ARHGAP23: variants seen among roughly 807,000 people sequenced by gnomAD.
ARHGAP23 encodes the protein Rho GTPase activating protein 23, also known as rho GTPase-activating protein 23.
In ARHGAP23, 34 loss-of-function variants were observed where a neutral mutation model predicts 136.3. That is an observed-to-expected ratio of 0.25 (90% CI 0.19 to 0.33). The LOEUF is 0.33. Among genes scored for constraint, ARHGAP23 ranks in the 10% least tolerant of loss-of-function variants. The pLI is 1.00. For synonymous variants in ARHGAP23, 832 were observed against 920.5 expected (o/e 0.90, Z 1.74); for missense variants, 1,808 against 2,139.0 (o/e 0.85, Z 3.05).
chr17:38,469,311 C>T lies in ARHGAP23; in HGVS notation c.1804+12C>T, dbSNP rs1181562766. The T allele has an allele frequency of 2.6e-6, 4 of 1,545,676 alleles. No individual in the cohort carries two copies. The highest frequency in any genetic ancestry group is 1.2e-5 in the South Asian group (1 of 82,900). On this transcript the variant is annotated intron_variant, in intron 8 of 23. Coordinates refer to ENST00000622683, the MANE Select transcript of ARHGAP23 (RefSeq NM_001199417.2). ...CTCGCAGGACTGCAGTGAGCACTCC[C>T]CACACCCCCAGCCCCACCCTCTCCC...
At chr17:38,447,177 C>T (rs1424714191) in intron 1 of ARHGAP23, among the ~76,000 whole-genome samples, 1 of 152,106 alleles carries the variant, frequency 6.6e-6, no homozygotes, top group Non-Finnish European at 1.5e-5. Context: ...CATGGTGGCT[C>T]ATGCCTGTAA....
rs1304602131 is a variant in ARHGAP23 at position 38,466,147 on chromosome 17, G to A, written c.484-20G>A. On this transcript the variant is annotated intron_variant, in intron 6 of 23. Transcript: ENST00000622683. ...GGGACTTGTCTGGCCCTGCTTACCT[G>A]TCTCTGTGTCTCTGGCCAGGCCTAC... The A allele has an allele frequency of 2.7e-6, 4 of 1,461,250 alleles. No individual in the cohort carries two copies. The Admixed American group carries it at 6.9e-5, about 25-fold the overall frequency. 90.5% of individuals were successfully genotyped at this position (1,461,250 alleles called of 1,614,324 possible). A position where few individuals can be genotyped will look rare whatever the true frequency, so the allele number is the denominator to read the frequency against.
intron 1 of ARHGAP23, among the ~76,000 whole-genome samples, chr17:38,446,564 T>C (rs2039038750): frequency 6.6e-6 from 1 of 151,954 alleles, no homozygotes; most frequent in Non-Finnish European, 1.5e-5. Flanking sequence ...TGTGGATATA[T>C]ACCCAGAAGT....
intron 11 of ARHGAP23, among the ~76,000 whole-genome samples, chr17:38,476,810 A>C (rs2039902669): frequency 6.6e-6 from 1 of 151,942 alleles, no homozygotes; most frequent in South Asian, 2.1e-4. Flanking sequence ...GTTTAGCCGC[A>C]TCCCTCAGAT....
At position 38,444,235 on chromosome 17, in the gene ARHGAP23, C is replaced by T. The variant is rs931683888; in HGVS notation, c.64-13867C>T. On this transcript the variant is annotated intron_variant, in intron 1 of 23. Coordinates refer to ENST00000622683, the MANE Select transcript of ARHGAP23 (RefSeq NM_001199417.2). ...TTGAGGGAATGAGGACCCTTCTGCTCGCTCTGGGTTGTCAAGGAGACGAGG... is the reference window on the plus strand; with the variant it reads ...TTGAGGGAATGAGGACCCTTCTGCTTGCTCTGGGTTGTCAAGGAGACGAGG... 2.6e-5 allele frequency among the ~76,000 whole-genome samples: 4 copies of T among 152,036 alleles called. No homozygotes were observed. In the East Asian group the frequency reaches 5.8e-4, roughly 22 times the overall value.
intron 20 of ARHGAP23, among the ~76,000 whole-genome samples, chr17:38,494,422 C>G (rs2040345052): frequency 1.3e-5 from 2 of 152,128 alleles, no homozygotes; most frequent in African/African-American, 4.8e-5. Flanking sequence ...GAATGGGAGC[C>G]TGCTCAGAAG....
rs749436229 is a variant in ARHGAP23, at chr17:38,497,772, G to A, written c.3277-13G>A. 126 of 1,550,698 alleles carry A rather than the reference G, an allele frequency of 8.1e-5. No individual in the cohort carries two copies. Among genetic ancestry groups the A allele is most frequent in the Non-Finnish European group, 1.1e-4 (125 of 1,146,620 alleles). On this transcript the variant is annotated splice_polypyrimidine_tract_variant and intron_variant, in intron 20 of 23. Transcript: ENST00000622683. ...CATGCTGATTTCATCCCTTCCTTTT[G>A]TCTTCTCTGCAGTCAGACTGGTTCT... is the stretch of plus-strand genomic sequence containing the variant.
At chr17:38,447,861 C>T (rs2039070573) in intron 1 of ARHGAP23, among the ~76,000 whole-genome samples, 1 of 152,256 alleles carries the variant, frequency 6.6e-6, no homozygotes, top group Non-Finnish European at 1.5e-5. Context: ...GGCAATGGCC[C>T]TGGTGTTTAC....
intron 1 of ARHGAP23, chr17:38,419,543 G>T (rs2038498357): frequency 6.6e-6 from 1 of 151,774 alleles, no homozygotes; most frequent in African/African-American, 2.4e-5. Flanking sequence ...CGGAGCGGGG[G>T]CTCTGGGGGA....
intron 14 of ARHGAP23, 47 bp downstream of exon 14, chr17:38,479,930 C>G: frequency 1.9e-5 from 21 of 1,107,102 alleles, no homozygotes; most frequent in Non-Finnish European, 2.7e-5. Context: ...GGGCAGGGGG[C>G]ATGGGGAGGG....
upstream of ARHGAP23, among the ~76,000 whole-genome samples, chr17:38,424,090 T>TG (rs1158682080): frequency 1.3e-5 from 2 of 150,142 alleles, no homozygotes; most frequent in African/African-American, 5.1e-5. Flanking sequence ...TACTGGGGGC[T>TG]GGGGCGCAGG....
chr17:38,474,058 C>T (rs1468311885), intron 11 of ARHGAP23, among the ~76,000 whole-genome samples: 1 of 152,188 alleles, frequency 6.6e-6, no homozygotes, highest in African/African-American at 2.4e-5. Context: ...GTAGCTAGGA[C>T]TACAGGCGCC....
chr17:38,503,338 G>A (rs2040561533), intron 23 of ARHGAP23, among the ~76,000 whole-genome samples: 1 of 152,224 alleles, frequency 6.6e-6, no homozygotes, highest in Admixed American at 6.5e-5. Context: ...CGTGAAGGTG[G>A]CAGGGAAAGT....
intron 1 of ARHGAP23, among the ~76,000 whole-genome samples, chr17:38,422,706 G>A (rs571718444): frequency 6.6e-6 from 1 of 152,288 alleles, no homozygotes; most frequent in South Asian, 2.1e-4. Context: ...CAGCTGCTTG[G>A]CAGATTACCA....
chr17:38,434,213 C>A (rs1299331054), intron 1 of ARHGAP23, among the ~76,000 whole-genome samples: 1 of 152,122 alleles, frequency 6.6e-6, no homozygotes, highest in Non-Finnish European at 1.5e-5. Context: ...CCGCCAACCC[C>A]CCAGCTTCTC....
At chr17:38,472,152 T>G (rs2039775689) in intron 11 of ARHGAP23, 146 bp downstream of exon 11, 3 of 941,400 alleles carry the variant, frequency 3.2e-6, no homozygotes. Context: ...AGGAAGAACT[T>G]CCTGGCAGGG....
chr17:38,457,926 G>A (rs1176776341), intron 1 of ARHGAP23, 176 bp from the exon 2 acceptor site: 1 of 666,914 alleles, frequency 1.5e-6, no homozygotes, highest in Non-Finnish European at 2.5e-6. Flanking sequence ...GCTGATGAAG[G>A]TGGGAGAGTA....
At chr17:38,485,697 G>A (rs1429976157) in intron 16 of ARHGAP23, among the ~76,000 whole-genome samples, 1 of 152,152 alleles carries the variant, frequency 6.6e-6, no homozygotes, top group African/African-American at 2.4e-5. Flanking sequence ...ACATGCAGAG[G>A]ACCTGAGACA....
chr17:38,441,246 C>A (rs2038913833), intron 1 of ARHGAP23, among the ~76,000 whole-genome samples: 1 of 152,258 alleles, frequency 6.6e-6, no homozygotes, highest in South Asian at 2.1e-4. Context: ...ATTTCAGGCC[C>A]CCTGTGCAGA....
Sources: allele counts gnomAD v4.1 joint callset (sites outside exome capture counted in the v4.1 genomes callset), GRCh38; gene constraint gnomAD v4.1.1; transcripts MANE v1.5; gene names NCBI Gene and HGNC (gene_info 2026-07-23, HGNC 2026-07-21).